Variants in TCF12 observed in about 807,000 individuals in gnomAD.
TCF12 encodes the protein DNA-binding protein HTF4.
Under a neutral mutation model 86.0 loss-of-function variants are expected in TCF12, and 45 were observed. The ratio of observed to expected loss-of-function variants is 0.52; its 90% confidence interval spans 0.41 to 0.67. TCF12 has a LOEUF of 0.67. TCF12 is among the 30% of genes least tolerant of loss of function. The probability of loss-of-function intolerance (pLI) is 0.00; values close to 1 mark genes in which losing one functional copy is unlikely to be tolerated. For missense variants in TCF12, 881 were observed against 859.9 expected, an observed-to-expected ratio of 1.02 and a Z score of -0.31; for synonymous variants, 330 against 299.6, an observed-to-expected ratio of 1.10 and a Z score of -1.05.
intron 3 of TCF12, among the ~76,000 whole-genome samples, chr15:56,936,307 A>G (rs1642381188): frequency 1.3e-5 from 2 of 151,852 alleles, no homozygotes; most frequent in African/African-American, 4.8e-5. Flanking sequence ...TCATGTCCTT[A>G]GCCTACTTTT....
chr15:56,954,974 A>G (rs528009654), intron 3 of TCF12, among the ~76,000 whole-genome samples: 2 of 152,332 alleles, frequency 1.3e-5, no homozygotes, highest in East Asian at 3.9e-4. Context: ...TAGTTCAACC[A>G]TTGTGGAAGA....
chr15:57,067,795 T>C (rs1465675590), intron 4 of TCF12, among the ~76,000 whole-genome samples: 1 of 152,146 alleles, frequency 6.6e-6, no homozygotes, highest in Non-Finnish European at 1.5e-5. Context: ...ATGTTGTGAA[T>C]AGCACTTCCA....
At chr15:56,934,477 A>G (rs1304546613) in intron 3 of TCF12, among the ~76,000 whole-genome samples, 1 of 152,202 alleles carries the variant, frequency 6.6e-6, no homozygotes, top group African/African-American at 2.4e-5. Context: ...TGACTTAGTC[A>G]TATCCATGAA....
intron 3 of TCF12, among the ~76,000 whole-genome samples, chr15:56,960,425 A>G (rs1004131566): frequency 1.0e-4 from 13 of 130,136 alleles, no homozygotes; most frequent in African/African-American, 3.6e-4. Context: ...AGGCTACTGT[A>G]TTGTATTTTT....
intron 3 of TCF12, among the ~76,000 whole-genome samples, chr15:57,029,665 C>T (rs571626833): frequency 3.6e-4 from 54 of 152,060 alleles, no homozygotes; most frequent in Non-Finnish European, 7.1e-4. Flanking sequence ...CTCTGTGTAA[C>T]GCATACCACG....
chr15:57,232,939 T>A, intron 11 of TCF12, 83 bp downstream of exon 11: 2 of 884,432 alleles, frequency 2.3e-6, no homozygotes, highest in Non-Finnish European at 2.9e-6. Context: ...TATATGTATG[T>A]TTTATATATA....
At chr15:56,955,973 A>G (rs1240478098) in intron 3 of TCF12, among the ~76,000 whole-genome samples, 3 of 152,132 alleles carry the variant, frequency 2.0e-5, no homozygotes, top group African/African-American at 7.2e-5. Flanking sequence ...TGACTGTTTT[A>G]TCATTATAAA....
At chr15:56,969,366 A>G (rs371586576) in intron 3 of TCF12, among the ~76,000 whole-genome samples, 9 of 152,144 alleles carry the variant, frequency 5.9e-5, no homozygotes, top group African/African-American at 2.2e-4. Flanking sequence ...ATTTGGATAT[A>G]TATCGGAGGT....
At chr15:57,091,201 G>A (rs79193109) in intron 4 of TCF12, among the ~76,000 whole-genome samples, 6,276 of 152,202 alleles carry the variant, frequency 0.041, 360 homozygotes, top group African/African-American at 0.13. Context: ...ATTAAAATGA[G>A]TATAAACAGA....
chr15:56,951,244 A>G (rs1372405738), intron 3 of TCF12, among the ~76,000 whole-genome samples: 1 of 152,128 alleles, frequency 6.6e-6, no homozygotes, highest in Non-Finnish European at 1.5e-5. Context: ...AGCCATTAGA[A>G]TAGGTCTGCA....
chr15:57,058,330 T>G lies in TCF12; in HGVS notation c.149-5420T>G, dbSNP rs144410906. Among the ~76,000 whole-genome samples the G allele has an allele frequency of 3.9e-5, 6 of 152,356 alleles. No homozygotes were observed. The East Asian group carries it at 1.2e-3, about 29-fold the overall frequency. ...ACAGGGCATTTGTATCAGGGTGATA[T>G]AGCTAGTAACAATAATATAGCAAAA... On this transcript the variant is annotated intron_variant, in intron 3 of 20. Transcript: ENST00000333725.
At chr15:57,265,747 A>G (rs1444085757) in intron 18 of TCF12, among the ~76,000 whole-genome samples, 1 of 152,200 alleles carries the variant, frequency 6.6e-6, no homozygotes, top group East Asian at 1.9e-4. Flanking sequence ...AGAACTGATC[A>G]ATGACATTGA....
chr15:56,957,851 T>C, intron 3 of TCF12, among the ~76,000 whole-genome samples: 1 of 151,966 alleles, frequency 6.6e-6, no homozygotes, highest in South Asian at 2.1e-4. Context: ...ACTTTGAAAC[T>C]ACTTGATCTT....
chr15:56,948,085 TG>T (rs1368378592), intron 3 of TCF12, among the ~76,000 whole-genome samples: 2 of 152,106 alleles, frequency 1.3e-5, no homozygotes, highest in Non-Finnish European at 2.9e-5. Flanking sequence ...ATAAGGATTT[TG>T]TGAAGTTTAA....
chr15:57,205,214 C>T (rs947520768), intron 8 of TCF12, among the ~76,000 whole-genome samples: 3 of 151,766 alleles, frequency 2.0e-5, no homozygotes, highest in Non-Finnish European at 4.4e-5. Flanking sequence ...TCTGAGAGAG[C>T]GTTGCTTGAA....
chr15:56,980,909 A>C (rs2062858330), intron 3 of TCF12, among the ~76,000 whole-genome samples: 1 of 152,228 alleles, frequency 6.6e-6, no homozygotes, highest in Admixed American at 6.5e-5. Context: ...TGTTGGATAA[A>C]TTATTGAATC....
chr15:57,008,410 C>T (rs1341202948), intron 3 of TCF12, among the ~76,000 whole-genome samples: 12 of 139,844 alleles, frequency 8.6e-5, no homozygotes, highest in South Asian at 2.3e-4. Flanking sequence ...GGGTTTTGCT[C>T]TGTTACCCAT....
rs74888785 is a variant in TCF12, at chr15:56,958,972, C to G, written c.148+37874C>G. On this transcript the variant is annotated intron_variant, in intron 3 of 20. Transcript: ENST00000333725. ...TGGAAATGAGTTTCAACCTCAGTGC[C>G]CTTTATATGTATATTAGGCTGTCTT... 2.2e-3 allele frequency among the ~76,000 whole-genome samples: 329 copies of G among 152,092 alleles called. 2 individuals are homozygous for G. The highest frequency in any genetic ancestry group is 3.8e-3 in the Non-Finnish European group (259 of 68,006).
chr15:56,918,462 G>A (rs1245790942), upstream of TCF12: 2 of 334,884 alleles, frequency 6.0e-6, no homozygotes, highest in Non-Finnish European at 1.2e-5. Flanking sequence ...CTCCCCACCG[G>A]CCCCAACTCC....
Sources: allele counts gnomAD v4.1 joint callset (sites outside exome capture counted in the v4.1 genomes callset), GRCh38; gene constraint gnomAD v4.1.1; transcripts MANE v1.5; gene names NCBI Gene and HGNC (gene_info 2026-07-23, HGNC 2026-07-21).